The following RANBP2 variants were observed in gnomAD, a reference collection of about 807,000 sequenced individuals.
RANBP2 encodes the protein E3 SUMO-protein ligase RanBP2.
In RANBP2, 57 loss-of-function variants were observed where a neutral mutation model predicts 303.6. That is an observed-to-expected ratio of 0.19 (90% CI 0.15 to 0.23). The LOEUF (loss-of-function observed/expected upper bound fraction) is 0.23, where lower values mean the gene tolerates loss of function less well. Among genes scored for constraint, RANBP2 ranks in the 10% least tolerant of loss-of-function variants. The pLI is 1.00. For missense variants in RANBP2, 3,138 were observed against 3,780.8 expected, an observed-to-expected ratio of 0.83 and a Z score of 4.46; for synonymous variants, 1,167 against 1,301.5, an observed-to-expected ratio of 0.90 and a Z score of 2.23.
At chr2:109,465,315 G>C in the RANBP2 span, among the ~76,000 whole-genome samples, 10 of 152,228 alleles carry the variant, frequency 6.6e-5, no homozygotes, top group East Asian at 1.9e-4. Context: ...ACATAAATTC[G>C]GATAAATACC....
the RANBP2 span, among the ~76,000 whole-genome samples, chr2:109,025,008 T>C: frequency 6.6e-6 from 1 of 152,176 alleles, no homozygotes; most frequent in African/African-American, 2.4e-5. Flanking sequence ...AAGCAGAGAC[T>C]CCTTATGTCC....
chr2:109,078,096 A>ATATATATATATATGGCG, the RANBP2 span, among the ~76,000 whole-genome samples: 14 of 54,636 alleles, frequency 2.6e-4, no homozygotes, highest in African/African-American at 1.5e-3. Context: ...ATATATATAT[A>ATATATATATATATGGCG]TATATATATA....
chr2:109,336,752 G>A, the RANBP2 span, among the ~76,000 whole-genome samples: 2 of 152,204 alleles, frequency 1.3e-5, no homozygotes, highest in African/African-American at 4.8e-5. Flanking sequence ...CCATTACAAA[G>A]TTGGCAAAGC....
the RANBP2 span, among the ~76,000 whole-genome samples, chr2:109,097,165 G>T: frequency 6.6e-5 from 10 of 152,056 alleles, no homozygotes; most frequent in Non-Finnish European, 1.2e-4. Flanking sequence ...TTAGCTGGGC[G>T]TGGTGGCACG....
chr2:109,612,467 G>C, the RANBP2 span, among the ~76,000 whole-genome samples: 1 of 152,184 alleles, frequency 6.6e-6, no homozygotes, highest in Admixed American at 6.5e-5. Context: ...GTGGATAAAG[G>C]GTACAGGGTT....
At chr2:109,250,460 C>G in the RANBP2 span, among the ~76,000 whole-genome samples, 3 of 151,762 alleles carry the variant, frequency 2.0e-5, no homozygotes, top group African/African-American at 7.3e-5. Context: ...ACTCGGAAAA[C>G]TTACCAGGTT....
chr2:109,278,010 CA>C, the RANBP2 span, among the ~76,000 whole-genome samples: 826 of 81,336 alleles, frequency 0.01, 6 homozygotes, highest in African/African-American at 0.038. Context: ...CTGTCTCTAA[CA>C]AAAAAAAAAA....
chr2:109,187,829 A>G, the RANBP2 span, among the ~76,000 whole-genome samples: 3 of 152,226 alleles, frequency 2.0e-5, no homozygotes, highest in Admixed American at 6.5e-5. Context: ...CATTGTGACC[A>G]GGACCCCATT....
At chr2:108,973,584 G>T in the RANBP2 span, among the ~76,000 whole-genome samples, 2 of 152,090 alleles carry the variant, frequency 1.3e-5, no homozygotes, top group African/African-American at 4.8e-5. Flanking sequence ...AATCCTCAAT[G>T]ACTTCTTCCC....
At chr2:108,897,123 G>A in the RANBP2 span, 55 of 1,613,884 alleles carry the variant, frequency 3.4e-5, no homozygotes, top group East Asian at 5.8e-4. Context: ...AGCTCTCGGC[G>A]AGGTGGCGCC....
chr2:109,131,487 C>G, the RANBP2 span, among the ~76,000 whole-genome samples: 3 of 152,152 alleles, frequency 2.0e-5, no homozygotes, highest in Non-Finnish European at 4.4e-5. Context: ...TTCTTCTGTT[C>G]TGATAAATTA....
At chr2:109,030,152 G>T in the RANBP2 span, among the ~76,000 whole-genome samples, 1 of 152,126 alleles carries the variant, frequency 6.6e-6, no homozygotes, top group Non-Finnish European at 1.5e-5. Context: ...AATCAACCTG[G>T]ATTCGAGAGC....
chr2:109,504,373 G>A, the RANBP2 span: 1 of 152,276 alleles, frequency 6.6e-6, no homozygotes, highest in Non-Finnish European at 1.5e-5. Flanking sequence ...CCTCTGCCCA[G>A]AGGGAGGCAG....
At chr2:109,364,096 T>C in the RANBP2 span, among the ~76,000 whole-genome samples, 2 of 152,124 alleles carry the variant, frequency 1.3e-5, no homozygotes, top group Admixed American at 1.3e-4. Context: ...CCATTACATA[T>C]GTATAATTGC....
At chr2:109,291,474 G>C in the RANBP2 span, among the ~76,000 whole-genome samples, 3 of 152,300 alleles carry the variant, frequency 2.0e-5, no homozygotes, top group East Asian at 5.8e-4. Context: ...GGAGGACCGG[G>C]CTCAGGGCCA....
the RANBP2 span, chr2:109,565,798 A>C: frequency 1.9e-5 from 30 of 1,614,094 alleles, no homozygotes; most frequent in Admixed American, 3.8e-4. Flanking sequence ...GCGAGCTTTG[A>C]CCATCTTGTT....
the RANBP2 span, chr2:108,876,038 T>A: frequency 8.1e-7 from 1 of 1,233,236 alleles, no homozygotes; most frequent in Middle Eastern, 2.5e-4. Flanking sequence ...TCATTGCAGA[T>A]AAACTCTCTA....
chr2:108,771,553 C>G (rs934348136), intron 20 of RANBP2, 148 bp from the exon 21 acceptor site: 1 of 1,350,046 alleles, frequency 7.4e-7, no homozygotes, highest in African/African-American at 1.5e-5. Context: ...TCATGATTAT[C>G]ATACATCTCT....
chr2:109,497,160 T>C, the RANBP2 span, among the ~76,000 whole-genome samples: 1 of 152,252 alleles, frequency 6.6e-6, no homozygotes, highest in South Asian at 2.1e-4. Context: ...GGTCATTCGT[T>C]ATAGCCATAA....
Sources: allele counts gnomAD v4.1 joint callset (sites outside exome capture counted in the v4.1 genomes callset), GRCh38; gene constraint gnomAD v4.1.1; transcripts MANE v1.5; gene names NCBI Gene and HGNC (gene_info 2026-07-23, HGNC 2026-07-21).